Variants in DDX6 observed in about 807,000 individuals in gnomAD.
The protein encoded by DDX6 is DEAD-box helicase 6.
DDX6 carries 7 observed loss-of-function variants against 60.6 expected under a neutral mutation model. The ratio of observed to expected loss-of-function variants is 0.12; its 90% CI spans 0.07 to 0.22. The LOEUF (loss-of-function observed/expected upper bound fraction) is 0.22. Among genes scored for constraint, DDX6 ranks in the 10% least tolerant of loss-of-function variants. The pLI, the probability that DDX6 is intolerant of heterozygous loss-of-function variation, is 1.00. For missense variants in DDX6, 270 were observed against 589.9 expected (o/e 0.46, Z 5.62); for synonymous variants, 207 against 201.0 (o/e 1.03, Z -0.25).
intron 2 of DDX6, among the ~76,000 whole-genome samples, chr11:118,785,005 T>G (rs1164649852): frequency 6.6e-6 from 1 of 152,224 alleles, no homozygotes; most frequent in Non-Finnish European, 1.5e-5. Flanking sequence ...CGACCTCAGG[T>G]GATCCGCCCA....
At chr11:118,773,638 A>G (rs1861607861) in intron 4 of DDX6, among the ~76,000 whole-genome samples, 2 of 152,108 alleles carry the variant, frequency 1.3e-5, no homozygotes, top group African/African-American at 2.4e-5. Context: ...AATGATTGTT[A>G]CAAATGTCCC....
chr11:118,773,171 C>T (rs1172475341), intron 4 of DDX6, among the ~76,000 whole-genome samples: 2 of 152,146 alleles, frequency 1.3e-5, no homozygotes, highest in Non-Finnish European at 2.9e-5. Context: ...AGGCATTTTA[C>T]AAAAGTGTGG....
chr11:118,779,578 CTG>C, intron 4 of DDX6, 52 bp downstream of exon 4: 2 of 1,195,504 alleles, frequency 1.7e-6, no homozygotes, highest in Non-Finnish European at 2.4e-6. Context: ...AAAAAGAAAA[CTG>C]TTTAATGGTT....
chr11:118,768,817 C>T (rs903767337), intron 4 of DDX6, among the ~76,000 whole-genome samples: 1 of 149,584 alleles, frequency 6.7e-6, no homozygotes, highest in Non-Finnish European at 1.5e-5. Context: ...AACACCAGCC[C>T]GGGCAACTAG....
rs529248323 is a variant in DDX6, at chr11:118,769,440, T to C, written c.370-1088A>G. ...TAAAGGTGACCTCTCATTTTAATAT[T>C]TGGCTTACTTTGTTATCTATTTTGC... On this transcript the variant is annotated intron_variant, in intron 4 of 13. Coordinates refer to ENST00000534980, the MANE Select transcript of DDX6 (RefSeq NM_004397.6). Among the ~76,000 whole-genome samples the C allele has an allele frequency of 2.0e-5, 3 of 152,190 alleles. No individual in the cohort carries two copies. In the South Asian group the frequency reaches 6.2e-4, roughly 31 times the overall value.
rs1860931508 is a variant in DDX6, at chr11:118,755,383, TCA to T, written c.1276+17_1276+18del. 3 of 1,493,132 alleles carry T rather than the reference TCA, an allele frequency of 2.0e-6. No homozygotes were observed. The African/African-American group carries it at 4.1e-5, about 21-fold the overall frequency. The allele number at this position is 1,493,132 out of a possible 1,614,324, so 92.5% of individuals were successfully genotyped here. ...CAAAAAAGAACTTCTACCAAGAATA[TCA>T]CCTCTTTTTTCCTCACCTGATCTTC... On this transcript the variant is annotated intron_variant, in intron 12 of 13. Transcript: ENST00000534980.
At position 118,750,708 on chromosome 11, in the gene DDX6, CCT is replaced by C. The variant is rs782439362; in HGVS notation, c.*1395_*1396del. The C allele has an allele frequency of 6.6e-5, 10 of 151,906 alleles. No individual in the cohort carries two copies. Among genetic ancestry groups the C allele is most frequent in the African/African-American group, 9.7e-5 (4 of 41,382 alleles). 9.4% of individuals were successfully genotyped at this position (151,906 alleles called of 1,614,324 possible). ...CTGCAAGGTAGATTAATCTTTGCCC[CCT>C]GTTGCAGAGCTTGAAATATTCCTCA... On this transcript the variant is annotated 3_prime_UTR_variant, in exon 14 of 14. Transcript: ENST00000534980.
chr11:118,768,101 A>T, intron 5 of DDX6, 122 bp downstream of exon 5: 2 of 997,994 alleles, frequency 2.0e-6, no homozygotes, highest in African/African-American at 1.6e-5. Flanking sequence ...AAAAAACCTG[A>T]AAAGAAAGAA....
intron 3 of DDX6, among the ~76,000 whole-genome samples, 186 bp downstream of exon 3, chr11:118,780,935 G>A (rs1248086549): frequency 6.6e-6 from 1 of 152,150 alleles, no homozygotes; most frequent in Non-Finnish European, 1.5e-5. Context: ...ACTAACTGCT[G>A]AGCATTTGTT....
In DDX6 at chr11:118,751,997, A is replaced by G. The variant is rs1860790936; in HGVS notation, c.*108T>C. ...AATGTCTGAGCTCTTTTAAGTCTTC[A>G]TAGTTCCAAAATAAAAGATGAAAAA... On this transcript the variant is annotated 3_prime_UTR_variant, in exon 14 of 14. Coordinates refer to ENST00000534980, the MANE Select transcript of DDX6 (RefSeq NM_004397.6). 1 of 332,688 alleles carries G rather than the reference A, an allele frequency of 3.0e-6. No homozygotes were observed. Among genetic ancestry groups the G allele is most frequent in the Non-Finnish European group, 5.9e-6 (1 of 169,256 alleles). 20.6% of individuals were successfully genotyped at this position (332,688 alleles called of 1,614,324 possible). A position where few individuals can be genotyped will look rare whatever the true frequency, so the allele number is the denominator to read the frequency against.
intron 13 of DDX6, among the ~76,000 whole-genome samples, chr11:118,754,413 A>C (rs1015929393): frequency 6.6e-6 from 1 of 152,182 alleles, no homozygotes; most frequent in African/African-American, 2.4e-5. Context: ...TCAAAAAGAA[A>C]AACAAATTGC....
chr11:118,758,663 C>A (rs1861061050), intron 9 of DDX6, 111 bp downstream of exon 9: 6 of 1,361,670 alleles, frequency 4.4e-6, no homozygotes, highest in Non-Finnish European at 5.9e-6. Context: ...CCGTGCCAAG[C>A]CAGAAACACT....
In DDX6 at chr11:118,748,775, G is replaced by T. The variant is rs983870162; in HGVS notation, c.*3330C>A. 1 of 127,314 alleles carries T rather than the reference G, an allele frequency of 7.9e-6. No individual in the cohort carries two copies. The highest frequency in any genetic ancestry group is 3.0e-5 in the African/African-American group (1 of 32,886). The allele number at this position is 127,314 out of a possible 1,614,324, so 7.9% of individuals were successfully genotyped here. On this transcript the variant is annotated 3_prime_UTR_variant, in exon 14 of 14. Coordinates refer to ENST00000534980, the MANE Select transcript of DDX6 (RefSeq NM_004397.6). ...AAAAAAAATTAAAAAATTAAACCAC[G>T]TCATCAGAATGAGATGTTTTGATTC...
Position 118,786,330 on chromosome 11 carries a change from G to C in DDX6, c.-79C>G, listed in dbSNP as rs2137558092. On this transcript the variant is annotated 5_prime_UTR_variant, in exon 2 of 14. Transcript: ENST00000534980. ...AGAAACTGTAATAACAGTTTATTAG[G>C]CTCTCCAAAATGAAGAGATAAATAT... 1.6e-6 allele frequency: 2 copies of C among 1,252,814 alleles called. No homozygotes were observed. The highest frequency in any genetic ancestry group is 2.2e-6 in the Non-Finnish European group (2 of 901,046). The allele number at this position is 1,252,814 out of a possible 1,614,324, so 77.6% of individuals were successfully genotyped here.
At chr11:118,790,675 CTG>C (rs1862242957) in intron 1 of DDX6, among the ~76,000 whole-genome samples, 3 of 152,166 alleles carry the variant, frequency 2.0e-5, no homozygotes, top group Admixed American at 1.3e-4. Context: ...GCCGACCCTG[CTG>C]CGCACCACAT....
intron 9 of DDX6, 143 bp from the exon 10 acceptor site, chr11:118,757,430 T>C (rs1861014575): frequency 6.1e-6 from 3 of 490,856 alleles, no homozygotes; most frequent in Admixed American, 4.1e-5. Context: ...AGATGGTAAA[T>C]TGTAAAAATT....
At chr11:118,763,525 A>G (rs984919579) in intron 6 of DDX6, among the ~76,000 whole-genome samples, 2 of 152,158 alleles carry the variant, frequency 1.3e-5, no homozygotes, top group South Asian at 4.1e-4. Flanking sequence ...TATGCAGCAC[A>G]TGACTATCTT....
chr11:118,779,370 G>C (rs895776806), intron 4 of DDX6, among the ~76,000 whole-genome samples: 3 of 152,114 alleles, frequency 2.0e-5, no homozygotes, highest in Middle Eastern at 3.2e-3. Context: ...TAGAATGACA[G>C]ATGAGATAGA....
At chr11:118,769,525 A>C (rs1046220221) in intron 4 of DDX6, among the ~76,000 whole-genome samples, 5 of 152,164 alleles carry the variant, frequency 3.3e-5, no homozygotes, top group Admixed American at 2.6e-4. Context: ...AGGATTCCCA[A>C]AAGTTACTTA....
Sources: gnomAD v4.1 joint callset for allele counts (sites outside exome capture counted in the v4.1 genomes callset) on GRCh38, gnomAD v4.1.1 for gene constraint, MANE v1.5 for transcripts, NCBI Gene and HGNC (gene_info 2026-07-23, HGNC 2026-07-21) for gene names.